The following LRSAM1 variants were observed in gnomAD, a reference collection of about 807,000 sequenced individuals.
LRSAM1 encodes the protein E3 ubiquitin-protein ligase LRSAM1.
Under a neutral mutation model 118.1 loss-of-function variants are expected in LRSAM1, and 96 were observed. That is an observed-to-expected ratio of 0.81 (90% confidence interval 0.69 to 0.96). The LOEUF is 0.96. Among genes scored for constraint, LRSAM1 ranks in the 40% least tolerant of loss-of-function variants. The pLI, the probability that LRSAM1 is intolerant of heterozygous loss-of-function variation, is 0.00. For missense variants in LRSAM1, 804 were observed against 915.5 expected (o/e 0.88, Z 1.57); for synonymous variants, 322 against 364.2 (o/e 0.88, Z 1.32).
chr9:127,486,267 ACACTCATCAGTGT>A (rs1328163014), intron 17 of LRSAM1: 1 of 280,658 alleles, frequency 3.6e-6, no homozygotes, highest in African/African-American at 2.2e-5. Flanking sequence ...TGACTGTGGT[ACACTCATCAGTGT>A]CTGAGGACCC....
At chr9:127,467,882 G>A in intron 10 of LRSAM1, 52 bp downstream of exon 10, 1 of 1,520,166 alleles carries the variant, frequency 6.6e-7, no homozygotes, top group Non-Finnish European at 8.9e-7. Flanking sequence ...TGACCCCCAT[G>A]GCCACCCTGT....
intron 10 of LRSAM1, among the ~76,000 whole-genome samples, chr9:127,469,018 A>G (rs1458995734): frequency 6.6e-6 from 1 of 152,148 alleles, no homozygotes; most frequent in African/African-American, 2.4e-5. Flanking sequence ...TCTCTTCCTC[A>G]AAAGATACCA....
intron 11 of LRSAM1, among the ~76,000 whole-genome samples, chr9:127,476,955 G>A (rs558076257): frequency 7.6e-4 from 116 of 152,272 alleles, no homozygotes; most frequent in African/African-American, 2.7e-3. Context: ...GGGATTACAG[G>A]CATGAGCCAC....
At chr9:127,494,123 C>T (rs750618461) in intron 21 of LRSAM1, among the ~76,000 whole-genome samples, 12 of 152,228 alleles carry the variant, frequency 7.9e-5, no homozygotes. Context: ...CCTTGGGGGT[C>T]ACCACCAAAG....
intron 11 of LRSAM1, 122 bp downstream of exon 11, chr9:127,474,053 A>G: frequency 2.0e-6 from 3 of 1,481,644 alleles, no homozygotes; most frequent in East Asian, 4.8e-5. Context: ...AGATTCCTCC[A>G]TAGAACTAGA....
In LRSAM1 at chr9:127,497,345, A is replaced by G. The variant is rs1292341067; in HGVS notation, c.1912+11A>G. 6.2e-7 allele frequency: 1 copy of G among 1,609,938 alleles called. No individual in the cohort carries two copies. Among genetic ancestry groups the G allele is most frequent in the African/African-American group, 1.3e-5 (1 of 74,926 alleles). ...CCAGGATCCAGCCAGGTACAAGCAC[A>G]GCTCCAGCCTCTTCCAGGCAGGGCT... On this transcript the variant is annotated intron_variant, in intron 24 of 25. Coordinates refer to ENST00000300417, the MANE Select transcript of LRSAM1 (RefSeq NM_001005373.4).
chr9:127,479,643 G>A (rs1287094585), intron 13 of LRSAM1, 138 bp downstream of exon 13: 2 of 1,412,114 alleles, frequency 1.4e-6, no homozygotes, highest in Non-Finnish European at 1.9e-6. Context: ...GCACCTGGGA[G>A]GGCCCTTACA....
chr9:127,460,720 G>A (rs1834701312), intron 7 of LRSAM1, among the ~76,000 whole-genome samples: 2 of 152,168 alleles, frequency 1.3e-5, no homozygotes, highest in Non-Finnish European at 2.9e-5. Flanking sequence ...TTCCTCAAGG[G>A]CCGGTAGGGG....
rs367844312 is a variant in LRSAM1 at position 127,457,409 on chromosome 9, C to G, written c.252+16C>G. On this transcript the variant is annotated intron_variant, in intron 6 of 25. Coordinates refer to ENST00000300417, the MANE Select transcript of LRSAM1 (RefSeq NM_001005373.4). ...AACCATCAAGGTACTGGGCCCTCCT[C>G]CCAGGCAGCTGGGGCTCTGCATGGG... The G allele has an allele frequency of 5.9e-5, 95 of 1,613,252 alleles. No homozygotes were observed. In the African/African-American group the frequency reaches 1.2e-3, roughly 20 times the overall value.
At chr9:127,455,721 C>T in intron 5 of LRSAM1, 101 bp downstream of exon 5, 1 of 1,097,114 alleles carries the variant, frequency 9.1e-7, no homozygotes, top group South Asian at 1.2e-5. Flanking sequence ...TAGACACCTC[C>T]TTTCTCTCTG....
intron 11 of LRSAM1, among the ~76,000 whole-genome samples, chr9:127,475,843 T>C (rs2250021): frequency 0.43 from 65,808 of 151,682 alleles, 15,059 homozygotes; most frequent in Non-Finnish European, 0.5. Flanking sequence ...CGGGTTCAAG[T>C]GATTCTCCTG....
rs762674170 is a variant in LRSAM1, at chr9:127,496,630, TATC to T, written c.1830+542_1830+544del. ...GACAGCCCAGCAGGGTACATATCAT[TATC>T]ATCATCTTTCAGTTGAGACCCAGTA... is the stretch of plus-strand genomic sequence containing the variant. On this transcript the variant is annotated intron_variant, in intron 23 of 25. Transcript: ENST00000300417. Among the ~76,000 whole-genome samples the T allele has an allele frequency of 8.5e-5, 13 of 152,308 alleles. No individual in the cohort carries two copies. The South Asian group carries it at 1.0e-3, about 12-fold the overall frequency.
chr9:127,487,039 C>T (rs1211597328), intron 17 of LRSAM1, among the ~76,000 whole-genome samples: 1 of 151,978 alleles, frequency 6.6e-6, no homozygotes, highest in Non-Finnish European at 1.5e-5. Flanking sequence ...AAACAATTAG[C>T]CAAACGTAGC....
chr9:127,497,213 C>A (rs751958829), intron 23 of LRSAM1, 40 bp from the exon 24 acceptor site: 4 of 1,603,868 alleles, frequency 2.5e-6, no homozygotes, highest in Non-Finnish European at 3.4e-6. Flanking sequence ...TAGCGGGCTC[C>A]CGCCCAGGCC....
intron 12 of LRSAM1, 144 bp from the exon 13 acceptor site, chr9:127,479,239 T>A (rs1350385857): frequency 3.3e-6 from 4 of 1,219,048 alleles, no homozygotes; most frequent in Admixed American, 2.0e-5. Flanking sequence ...TTTCTTACAG[T>A]TGGGCCCTGG....
At chr9:127,490,325 A>T (rs1835889928) in intron 19 of LRSAM1, among the ~76,000 whole-genome samples, 1 of 149,938 alleles carries the variant, frequency 6.7e-6, no homozygotes, top group African/African-American at 2.5e-5. Flanking sequence ...TTTCAATTCC[A>T]CATTGCCGGA....
At chr9:127,459,449 C>T (rs1361838933) in intron 7 of LRSAM1, among the ~76,000 whole-genome samples, 1 of 152,072 alleles carries the variant, frequency 6.6e-6, no homozygotes, top group African/African-American at 2.4e-5. Context: ...AAACTCCTGA[C>T]CTCAAGTTAT....
At position 127,491,169 on chromosome 9, in the gene LRSAM1, G is replaced by A. The variant is rs376382147; in HGVS notation, c.1423-46G>A. On this transcript the variant is annotated intron_variant, in intron 19 of 25. Transcript: ENST00000300417. ...GAGAGTAGCAGCACAAAACTGAACT[G>A]TGGTTAATGTGAGTAAAAAAAAACC... is the stretch of plus-strand genomic sequence containing the variant. 7 of 1,506,810 alleles carry A rather than the reference G, an allele frequency of 4.6e-6. No homozygotes were observed. The African/African-American group carries it at 9.6e-5, about 21-fold the overall frequency. 93.3% of individuals were successfully genotyped at this position (1,506,810 alleles called of 1,614,324 possible).
In LRSAM1 at chr9:127,473,946, C is replaced by G. The variant is rs200426609; in HGVS notation, c.750+15C>G. On this transcript the variant is annotated intron_variant, in intron 11 of 25. Transcript: ENST00000300417. The stretch of plus-strand genomic sequence containing the variant: ...TAGAGTGGCAGGTAAGACAAGGCAG[C>G]CTGCTGCACGCATACATGTGTGTGT... The G allele has an allele frequency of 1.9e-6, 3 of 1,614,130 alleles. No homozygotes were observed. Among genetic ancestry groups the G allele is most frequent in the African/African-American group, 1.3e-5 (1 of 75,048 alleles).
Sources: gnomAD v4.1 joint callset for allele counts (sites outside exome capture counted in the v4.1 genomes callset) on GRCh38, gnomAD v4.1.1 for gene constraint, MANE v1.5 for transcripts, NCBI Gene and HGNC (gene_info 2026-07-23, HGNC 2026-07-21) for gene names.